SCN9A: variants seen among roughly 807,000 people sequenced by gnomAD.
The protein encoded by SCN9A is sodium voltage-gated channel alpha subunit 9, also known as sodium channel protein type 9 subunit alpha.
SCN9A carries 131 observed loss-of-function variants against 187.0 expected under a neutral mutation model. That is an observed-to-expected ratio of 0.70 (90% confidence interval 0.61 to 0.81). The LOEUF is 0.81. Among genes scored for constraint, SCN9A ranks in the 30% least tolerant of loss-of-function variants. The probability of loss-of-function intolerance (pLI) is 0.00; values close to 1 mark genes in which losing one functional copy is unlikely to be tolerated. For synonymous variants in SCN9A, 809 were observed against 808.6 expected, an observed-to-expected ratio of 1.00 and a Z score of -0.01; for missense variants, 2,252 against 2,396.6, an observed-to-expected ratio of 0.94 and a Z score of 1.26.
At chr2:166,225,910 TG>T (rs1694824903) in intron 24 of SCN9A, among the ~76,000 whole-genome samples, 1 of 152,182 alleles carries the variant, frequency 6.6e-6, no homozygotes, top group Non-Finnish European at 1.5e-5. Context: ...AACATGGACC[TG>T]CTGACACTTT....
chr2:166,302,280 G>A (rs549276513), intron 7 of SCN9A: 6 of 143,640 alleles, frequency 4.2e-5, no homozygotes, highest in South Asian at 2.1e-4. Flanking sequence ...TTCATCAACC[G>A]TTCCAGTGAG....
intron 13 of SCN9A, among the ~76,000 whole-genome samples, chr2:166,280,966 C>T (rs920828615): frequency 6.6e-6 from 1 of 152,088 alleles, no homozygotes; most frequent in Non-Finnish European, 1.5e-5. Context: ...CCCATGACAA[C>T]AATAAGATGA....
chr2:166,266,622 GA>G (rs1467455820), intron 17 of SCN9A, among the ~76,000 whole-genome samples: 1 of 150,380 alleles, frequency 6.6e-6, no homozygotes, highest in East Asian at 2.0e-4. Flanking sequence ...TTTTGATAGG[GA>G]TTGCATTAAA....
chr2:166,273,181 C>T (rs937920422), intron 16 of SCN9A, among the ~76,000 whole-genome samples: 1 of 152,062 alleles, frequency 6.6e-6, no homozygotes, highest in Non-Finnish European at 1.5e-5. Context: ...TTTCTAAGTT[C>T]ATTTCTGTAG....
chr2:166,359,424 A>G (rs1016469855), intron 1 of SCN9A, among the ~76,000 whole-genome samples: 20 of 152,182 alleles, frequency 1.3e-4, no homozygotes, highest in African/African-American at 4.1e-4. Flanking sequence ...TACTCATTTT[A>G]GAACCTCTAA....
At chr2:166,337,376 G>A (rs555621992) in intron 1 of SCN9A, among the ~76,000 whole-genome samples, 21 of 152,188 alleles carry the variant, frequency 1.4e-4, no homozygotes, top group African/African-American at 5.1e-4. Flanking sequence ...AAAGTAGACA[G>A]GTCCAATAAG....
intron 17 of SCN9A, among the ~76,000 whole-genome samples, chr2:166,258,999 A>T (rs1195959675): frequency 6.6e-6 from 1 of 151,710 alleles, no homozygotes; most frequent in Admixed American, 6.6e-5. Flanking sequence ...AAATCACTTA[A>T]GCACATGAAG....
intron 1 of SCN9A, among the ~76,000 whole-genome samples, chr2:166,313,299 T>C (rs1469382205): frequency 6.6e-6 from 1 of 152,170 alleles, no homozygotes; most frequent in Non-Finnish European, 1.5e-5. Context: ...AAGCCAGACA[T>C]TGACTTCTCC....
intron 1 of SCN9A, among the ~76,000 whole-genome samples, chr2:166,317,487 A>G (rs1699137054): frequency 6.6e-6 from 1 of 152,176 alleles, no homozygotes; most frequent in Non-Finnish European, 1.5e-5. Flanking sequence ...GGCAACTACT[A>G]AAATTAAAAA....
At chr2:166,199,926 G>A (rs1465353580) in intron 26 of SCN9A, 62 bp from the exon 27 acceptor site, 53 of 1,117,030 alleles carry the variant, frequency 4.7e-5, no homozygotes, top group South Asian at 2.2e-4. Context: ...CTGAAATGAT[G>A]ACTCTAAACA....
chr2:166,273,425 G>A (rs1031005340), intron 16 of SCN9A, among the ~76,000 whole-genome samples: 9 of 150,406 alleles, frequency 6.0e-5, no homozygotes, highest in South Asian at 2.1e-4. Flanking sequence ...TCCAAGAAGC[G>A]TGCTAGAATA....
chr2:166,259,765 T>C (rs2106439160), intron 17 of SCN9A, among the ~76,000 whole-genome samples: 1 of 151,880 alleles, frequency 6.6e-6, no homozygotes, highest in Non-Finnish European at 1.5e-5. Context: ...GTTTCCAAAT[T>C]TATCAAAATA....
intron 1 of SCN9A, among the ~76,000 whole-genome samples, chr2:166,336,693 A>G (rs184169321): frequency 5.1e-4 from 78 of 152,180 alleles, no homozygotes; most frequent in African/African-American, 1.7e-3. Flanking sequence ...TTTTAGTTCT[A>G]TATCTTCTGA....
chr2:166,248,560 C>T (rs556140426), intron 18 of SCN9A, among the ~76,000 whole-genome samples: 2 of 152,190 alleles, frequency 1.3e-5, no homozygotes, highest in African/African-American at 4.8e-5. Flanking sequence ...TAAGATTGCA[C>T]ATTGTGAGAT....
chr2:166,270,477 C>T (rs1485320985), intron 17 of SCN9A, among the ~76,000 whole-genome samples: 1 of 151,828 alleles, frequency 6.6e-6, no homozygotes, highest in African/African-American at 2.4e-5. Context: ...TGATTCCTTA[C>T]TTTACCGTCT....
intron 18 of SCN9A, among the ~76,000 whole-genome samples, chr2:166,247,662 G>A (rs192151703): frequency 2.6e-5 from 4 of 152,118 alleles, no homozygotes; most frequent in Admixed American, 2.0e-4. Flanking sequence ...GACTACAGGC[G>A]CTCACCACCA....
rs1400508402 is a variant in SCN9A at position 166,195,687 on chromosome 2, T to C, written c.*2985A>G. 1 of 152,206 alleles carries C rather than the reference T, an allele frequency of 6.6e-6. No homozygotes were observed. The highest frequency in any genetic ancestry group is 1.5e-5 in the Non-Finnish European group (1 of 68,030). The allele number at this position is 152,206 out of a possible 1,614,324, so 9.4% of individuals were successfully genotyped here. ...AAAAACAGCTCACAAGTCACCCAAA[T>C]CTTTTGCAAACTAGGTAACTATCAA... On this transcript the variant is annotated 3_prime_UTR_variant, in exon 27 of 27. Transcript: ENST00000642356.
intron 1 of SCN9A, among the ~76,000 whole-genome samples, chr2:166,335,917 T>C (rs1241110362): frequency 1.3e-5 from 2 of 152,142 alleles, no homozygotes; most frequent in Non-Finnish European, 2.9e-5. Flanking sequence ...TTTTTTCTTG[T>C]CATTATTTCC....
At chr2:166,336,208 T>A (rs969750175) in intron 1 of SCN9A, among the ~76,000 whole-genome samples, 1 of 152,088 alleles carries the variant, frequency 6.6e-6, no homozygotes, top group Non-Finnish European at 1.5e-5. Context: ...AAGATTCTCA[T>A]TTGTAGAGGT....
Sources: allele counts gnomAD v4.1 joint callset (sites outside exome capture counted in the v4.1 genomes callset), GRCh38; gene constraint gnomAD v4.1.1; transcripts MANE v1.5; gene names NCBI Gene and HGNC (gene_info 2026-07-23, HGNC 2026-07-21).